The following LIMS1 variants were observed in gnomAD, a reference collection of about 807,000 sequenced individuals.
LIMS1 encodes LIM and senescent cell antigen-like-containing domain protein 1.
In LIMS1, 18 loss-of-function variants were observed where a neutral mutation model predicts 44.1. That is an observed-to-expected ratio of 0.41 (90% CI 0.28 to 0.61). The LOEUF (loss-of-function observed/expected upper bound fraction) is 0.61, where lower values mean the gene tolerates loss of function less well. Ranked by LOEUF, LIMS1 falls within the 20% of genes least tolerant of loss-of-function variation. LIMS1 has a pLI of 0.32. For synonymous variants in LIMS1, 93 were observed against 149.1 expected (o/e 0.62, Z 2.74); for missense variants, 201 against 422.0 (o/e 0.48, Z 4.59).
chr2:108,610,899 G>C (rs767857386), intron 1 of LIMS1, among the ~76,000 whole-genome samples: 6 of 152,188 alleles, frequency 3.9e-5, no homozygotes, highest in Middle Eastern at 3.4e-3. Context: ...AAGTTGCAGA[G>C]GTCAGGAGCT....
At chr2:108,570,268 T>C (rs1685438726) in intron 1 of LIMS1, among the ~76,000 whole-genome samples, 1 of 151,868 alleles carries the variant, frequency 6.6e-6, no homozygotes, top group Non-Finnish European at 1.5e-5. Context: ...CCATCTCTAT[T>C]AAAAATACAA....
chr2:108,546,391 C>T (rs891929218), intron 1 of LIMS1, among the ~76,000 whole-genome samples: 1 of 149,530 alleles, frequency 6.7e-6, no homozygotes, highest in South Asian at 2.1e-4. Flanking sequence ...CAGGGTTCCT[C>T]CTGCCTCAGC....
chr2:108,584,718 G>A (rs1686024807), intron 1 of LIMS1, among the ~76,000 whole-genome samples: 1 of 152,120 alleles, frequency 6.6e-6, no homozygotes, highest in Admixed American at 6.5e-5. Context: ...GAGCATTAGC[G>A]AAGGGAAGCC....
At chr2:108,555,943 A>G (rs1373260498) in intron 1 of LIMS1, among the ~76,000 whole-genome samples, 1 of 150,344 alleles carries the variant, frequency 6.7e-6, no homozygotes, top group Admixed American at 6.6e-5. Context: ...TGAAAACTTG[A>G]CTCTTTTTTG....
rs753691810 is a variant in LIMS1, at chr2:108,569,764, C to CCTTTTTTTTTTTTTTT, written c.32+35170_32+35171insCTTTTTTTTTTTTTTT. ...TACAAACACTCACCGCCATATCTGG[C>CCTTTTTTTTTTTTTTT]TTTTTTTTTTTTTTTTTTTAGTGAT... On this transcript the variant is annotated intron_variant, in intron 1 of 9. Coordinates refer to ENST00000544547, the Ensembl canonical transcript of LIMS1. Among the ~76,000 whole-genome samples, 56 of 113,116 alleles carry CCTTTTTTTTTTTTTTT rather than the reference C, an allele frequency of 5.0e-4. 10 individuals carry two copies. The highest frequency in any genetic ancestry group is 2.9e-3 in the East Asian group (9 of 3,058). The allele number at this position is 113,116 out of a possible 152,430, so 74.2% of individuals were successfully genotyped here.
chr2:108,646,164 A>C (rs956970028), intron 1 of LIMS1, among the ~76,000 whole-genome samples: 15 of 152,176 alleles, frequency 9.9e-5, no homozygotes, highest in Non-Finnish European at 2.1e-4. Context: ...TCTTCACCAC[A>C]AATCAGCAGA....
intron 1 of LIMS1, among the ~76,000 whole-genome samples, chr2:108,634,945 G>A (rs1352431100): frequency 6.6e-6 from 1 of 152,200 alleles, no homozygotes; most frequent in Non-Finnish European, 1.5e-5. Context: ...ACCAATGGGT[G>A]TGTGTCCCTG....
Position 108,680,899 on chromosome 2 carries a change from C to T in LIMS1, c.899+129C>T, listed in dbSNP as rs943274239. 22 of 1,319,706 alleles carry T rather than the reference C, an allele frequency of 1.7e-5. No homozygotes were observed. In the African/African-American group the frequency reaches 3.0e-4, roughly 18 times the overall value. The allele number at this position is 1,319,706 out of a possible 1,614,324, so 81.7% of individuals were successfully genotyped here. A position where few individuals can be genotyped will look rare whatever the true frequency, so the allele number is the denominator to read the frequency against. ...TATTTCCTCTTTCTGTTCAGGCCTTCTGAAAGTAAAGGTTCTTCCTTTAAC... is the reference window on the plus strand; with the variant it reads ...TATTTCCTCTTTCTGTTCAGGCCTTTTGAAAGTAAAGGTTCTTCCTTTAAC... On this transcript the variant is annotated intron_variant, in intron 9 of 9. Coordinates refer to ENST00000544547, the Ensembl canonical transcript of LIMS1.
intron 1 of LIMS1, among the ~76,000 whole-genome samples, chr2:108,600,871 ATAAAT>A (rs1190963185): frequency 6.9e-6 from 1 of 144,826 alleles, no homozygotes; most frequent in African/African-American, 2.8e-5. Context: ...GTGAATCCAC[ATAAAT>A]TTTAGAATTG....
chr2:108,600,039 T>C (rs551109441), intron 1 of LIMS1, among the ~76,000 whole-genome samples: 183 of 150,572 alleles, frequency 1.2e-3, no homozygotes, highest in African/African-American at 4.2e-3. Context: ...ATTTGTTGTT[T>C]TTGTTGTTGT....
chr2:108,635,487 C>T (rs912592018), intron 1 of LIMS1, among the ~76,000 whole-genome samples: 1 of 144,092 alleles, frequency 6.9e-6, no homozygotes, highest in Non-Finnish European at 1.5e-5. Flanking sequence ...GAGGCCAAGG[C>T]GGGTGGAATT....
intron 1 of LIMS1, among the ~76,000 whole-genome samples, chr2:108,572,380 CT>C (rs780841996): frequency 0.018 from 2,079 of 112,690 alleles, 23 homozygotes; most frequent in African/African-American, 0.049. Flanking sequence ...GGGACTCTTG[CT>C]TTTTTTTTTT....
At chr2:108,630,064 T>C (rs948834961) in intron 1 of LIMS1, among the ~76,000 whole-genome samples, 3 of 151,804 alleles carry the variant, frequency 2.0e-5, no homozygotes, top group African/African-American at 7.3e-5. Context: ...CGTGGTGGCG[T>C]GCACCTGTAG....
At chr2:108,657,608 G>C (rs1419353920) in intron 1 of LIMS1, among the ~76,000 whole-genome samples, 1 of 152,296 alleles carries the variant, frequency 6.6e-6, no homozygotes, top group Non-Finnish European at 1.5e-5. Flanking sequence ...GCTGGGCGAT[G>C]ATGAGAATTT....
intron 1 of LIMS1, among the ~76,000 whole-genome samples, chr2:108,535,902 C>T (rs1268030858): frequency 6.6e-6 from 1 of 152,114 alleles, no homozygotes; most frequent in African/African-American, 2.4e-5. Context: ...TAATTCAGCT[C>T]ATCGCTCTAT....
intron 1 of LIMS1, among the ~76,000 whole-genome samples, chr2:108,597,482 C>G (rs1686768585): frequency 6.6e-6 from 1 of 152,116 alleles, no homozygotes; most frequent in Non-Finnish European, 1.5e-5. Context: ...CTAGCAGTCA[C>G]TAGAGGGTGA....
intron 1 of LIMS1, among the ~76,000 whole-genome samples, chr2:108,537,300 C>A (rs1432638044): frequency 6.6e-6 from 1 of 152,204 alleles, no homozygotes; most frequent in Non-Finnish European, 1.5e-5. Flanking sequence ...CTGTTAAAGA[C>A]ATAATCCTAA....
intron 2 of LIMS1, among the ~76,000 whole-genome samples, chr2:108,669,401 CT>C (rs1272007423): frequency 6.6e-6 from 1 of 150,628 alleles, no homozygotes; most frequent in Non-Finnish European, 1.5e-5. Context: ...GAGCGAGACT[CT>C]GGGAAAAAAA....
intron 1 of LIMS1, among the ~76,000 whole-genome samples, chr2:108,596,964 A>C (rs1211996038): frequency 8.7e-6 from 1 of 114,518 alleles, no homozygotes; most frequent in African/African-American, 3.4e-5. Context: ...GCTGAGGTGC[A>C]GTGGCATGAT....
Sources: gnomAD v4.1 joint callset for allele counts (sites outside exome capture counted in the v4.1 genomes callset) on GRCh38, gnomAD v4.1.1 for gene constraint, MANE v1.5 for transcripts, NCBI Gene and HGNC (gene_info 2026-07-23, HGNC 2026-07-21) for gene names.